MAN1A1: variants seen among roughly 807,000 people sequenced by gnomAD.
MAN1A1 encodes mannosidase alpha class 1A member 1, also known as mannosyl-oligosaccharide 1,2-alpha-mannosidase IA.
In MAN1A1, 29 loss-of-function variants were observed where a neutral mutation model predicts 70.8. The ratio of observed to expected loss-of-function variants is 0.41; its 90% confidence interval spans 0.31 to 0.56. The LOEUF is 0.56. Ranked by LOEUF, MAN1A1 falls within the 20% of genes least tolerant of loss-of-function variation. The pLI is 0.29. For missense variants in MAN1A1, 747 were observed against 841.3 expected, an observed-to-expected ratio of 0.89 and a Z score of 1.39; for synonymous variants, 349 against 330.1, an observed-to-expected ratio of 1.06 and a Z score of -0.62.
chr6:119,288,572 G>A (rs1776445416), intron 5 of MAN1A1, among the ~76,000 whole-genome samples: 1 of 151,822 alleles, frequency 6.6e-6, no homozygotes, highest in Non-Finnish European at 1.5e-5. Context: ...TTCATCAAAT[G>A]AAAATCAATT....
At chr6:119,333,186 G>A (rs987169834) in intron 2 of MAN1A1, among the ~76,000 whole-genome samples, 1 of 152,138 alleles carries the variant, frequency 6.6e-6, no homozygotes, top group East Asian at 1.9e-4. Context: ...GACAGCTTTC[G>A]AGCAATTCTA....
chr6:119,231,370 G>A (rs974542634), intron 6 of MAN1A1, among the ~76,000 whole-genome samples: 5 of 152,062 alleles, frequency 3.3e-5, no homozygotes, highest in South Asian at 2.1e-4. Flanking sequence ...CACTCACTCC[G>A]TCCTGCCGCC....
At chr6:119,185,418 G>A (rs1281693288) in intron 11 of MAN1A1, among the ~76,000 whole-genome samples, 1 of 152,192 alleles carries the variant, frequency 6.6e-6, no homozygotes, top group Non-Finnish European at 1.5e-5. Flanking sequence ...ATCAGTGAAA[G>A]AAGGCTGGGA....
chr6:119,339,087 A>C (rs1367855192), intron 2 of MAN1A1, among the ~76,000 whole-genome samples: 1 of 152,216 alleles, frequency 6.6e-6, no homozygotes, highest in Non-Finnish European at 1.5e-5. Context: ...ACACAGGAGA[A>C]AGTGTTGATC....
At chr6:119,308,122 T>C (rs1039182313) in intron 2 of MAN1A1, among the ~76,000 whole-genome samples, 5 of 152,198 alleles carry the variant, frequency 3.3e-5, no homozygotes, top group Admixed American at 2.6e-4. Flanking sequence ...CTATGAAATA[T>C]GTTTTATTAC....
At chr6:119,290,237 G>T (rs572431005) in intron 5 of MAN1A1, among the ~76,000 whole-genome samples, 83 of 152,078 alleles carry the variant, frequency 5.5e-4, no homozygotes, top group African/African-American at 2.0e-3. Context: ...GTAGCTAAGT[G>T]TCTCACCCCC....
At chr6:119,331,240 A>G (rs933774279) in intron 2 of MAN1A1, among the ~76,000 whole-genome samples, 5 of 152,178 alleles carry the variant, frequency 3.3e-5, no homozygotes, top group African/African-American at 9.7e-5. Context: ...CAGTAACAAT[A>G]TATTATTTTG....
chr6:119,250,739 T>C (rs1232763281), intron 5 of MAN1A1, among the ~76,000 whole-genome samples: 30 of 152,100 alleles, frequency 2.0e-4, no homozygotes, highest in Non-Finnish European at 4.4e-5. Context: ...TGTGTGTGCA[T>C]TCTCAAGAGC....
intron 5 of MAN1A1, among the ~76,000 whole-genome samples, chr6:119,287,479 T>C (rs1198179436): frequency 6.6e-6 from 1 of 152,114 alleles, no homozygotes; most frequent in African/African-American, 2.4e-5. Context: ...TTTACTCTTA[T>C]TCTGTAGTAG....
intron 5 of MAN1A1, among the ~76,000 whole-genome samples, chr6:119,286,510 T>A (rs191568403): frequency 6.6e-6 from 1 of 152,256 alleles, no homozygotes; most frequent in African/African-American, 2.4e-5. Context: ...ATACTGGTGT[T>A]TGCAGCAGTG....
intron 7 of MAN1A1, 138 bp downstream of exon 7, chr6:119,204,621 G>C (rs1050303285): frequency 9.7e-7 from 1 of 1,033,412 alleles, no homozygotes; most frequent in African/African-American, 1.6e-5. Context: ...ATGAAATGCT[G>C]CATGTTGCAA....
Position 119,177,755 on chromosome 6 carries a change from G to A in MAN1A1, c.*2064C>T, listed in dbSNP as rs990344263. 2 of 151,988 alleles carry A rather than the reference G, an allele frequency of 1.3e-5. No individual in the cohort carries two copies. Among genetic ancestry groups the A allele is most frequent in the Non-Finnish European group, 2.9e-5 (2 of 67,934 alleles). 9.4% of individuals were successfully genotyped at this position (151,988 alleles called of 1,614,324 possible). A position where few individuals can be genotyped will look rare whatever the true frequency, so the allele number is the denominator to read the frequency against. ...CACTGAGAGAGCAACATATAGTACA[G>A]CTTCTTGTCTATTCACACCAGGACA... On this transcript the variant is annotated 3_prime_UTR_variant, in exon 13 of 13. Transcript: ENST00000368468.
intron 8 of MAN1A1, among the ~76,000 whole-genome samples, chr6:119,197,542 C>G (rs1311703779): frequency 6.6e-6 from 1 of 152,010 alleles, no homozygotes; most frequent in African/African-American, 2.4e-5. Context: ...AGCGCTGGGG[C>G]AGGGAAAGAA....
intron 4 of MAN1A1, among the ~76,000 whole-genome samples, chr6:119,295,771 T>C (rs770657253): frequency 6.6e-6 from 1 of 152,286 alleles, no homozygotes; most frequent in Non-Finnish European, 1.5e-5. Context: ...TAGTGAATTA[T>C]GAGCCTGGGG....
chr6:119,247,933 T>C (rs947707317), intron 6 of MAN1A1, among the ~76,000 whole-genome samples: 1 of 152,224 alleles, frequency 6.6e-6, no homozygotes, highest in African/African-American at 2.4e-5. Context: ...AATGCTTTGA[T>C]GACAATTAAA....
chr6:119,325,723 A>C (rs1773128958), intron 2 of MAN1A1, among the ~76,000 whole-genome samples: 1 of 152,208 alleles, frequency 6.6e-6, no homozygotes, highest in Admixed American at 6.5e-5. Context: ...TATTGAGCCC[A>C]GAATACGAAC....
At chr6:119,278,131 G>A (rs1263548217) in intron 5 of MAN1A1, among the ~76,000 whole-genome samples, 3 of 151,232 alleles carry the variant, frequency 2.0e-5, no homozygotes, top group Non-Finnish European at 4.4e-5. Flanking sequence ...GAGTGACAGA[G>A]AGACCCTCAA....
intron 7 of MAN1A1, among the ~76,000 whole-genome samples, chr6:119,203,799 G>A (rs543665571): frequency 6.6e-6 from 1 of 152,194 alleles, no homozygotes; most frequent in East Asian, 1.9e-4. Flanking sequence ...CTTGTCTATC[G>A]GGCCTCTTAG....
intron 2 of MAN1A1, among the ~76,000 whole-genome samples, chr6:119,326,611 G>A (rs1191865086): frequency 6.6e-6 from 1 of 152,182 alleles, no homozygotes; most frequent in Non-Finnish European, 1.5e-5. Context: ...AAGGAAAGAG[G>A]GCTCATGGAC....
Sources: allele counts gnomAD v4.1 joint callset (sites outside exome capture counted in the v4.1 genomes callset), GRCh38; gene constraint gnomAD v4.1.1; transcripts MANE v1.5; gene names NCBI Gene and HGNC (gene_info 2026-07-23, HGNC 2026-07-21).